Variants in ATP8A1 observed in about 807,000 individuals in gnomAD.
The protein encoded by ATP8A1 is phospholipid-transporting ATPase IA.
A neutral mutation model predicts 177.7 loss-of-function variants in ATP8A1; 90 were observed. The observed-to-expected ratio is 0.51, with a 90% CI of 0.43 to 0.60. The LOEUF is 0.60. Among genes scored for constraint, ATP8A1 ranks in the 20% least tolerant of loss-of-function variants. ATP8A1 has a pLI of 0.00. For synonymous variants in ATP8A1, 493 were observed against 485.9 expected, an observed-to-expected ratio of 1.01 and a Z score of -0.19; for missense variants, 1,072 against 1,392.8, an observed-to-expected ratio of 0.77 and a Z score of 3.67.
chr4:42,562,877 T>C (rs1050430714), intron 15 of ATP8A1, among the ~76,000 whole-genome samples: 2 of 152,214 alleles, frequency 1.3e-5, no homozygotes, highest in Admixed American at 6.5e-5. Context: ...ATCGTGAGGC[T>C]TACCCAGCCA....
chr4:42,538,039 A>G lies in ATP8A1; in HGVS notation c.1722+5878T>C, dbSNP rs538789205. 3.9e-5 allele frequency among the ~76,000 whole-genome samples: 6 copies of G among 152,338 alleles called. No individual in the cohort carries two copies. The East Asian group carries it at 1.2e-3, about 29-fold the overall frequency. On this transcript the variant is annotated intron_variant, in intron 20 of 36. Coordinates refer to ENST00000381668, the MANE Select transcript of ATP8A1 (RefSeq NM_006095.2). ...AATACTATATAAGGCCATAGTCACC[A>G]AAACGGCATGGTAGTGGTATAAAAA...
intron 24 of ATP8A1, among the ~76,000 whole-genome samples, chr4:42,493,784 T>C (rs920184968): frequency 6.6e-6 from 1 of 152,142 alleles, no homozygotes; most frequent in Non-Finnish European, 1.5e-5. Context: ...AGAGAGATTA[T>C]AGTGATAAGA....
chr4:42,469,409 G>C (rs1720151505), intron 25 of ATP8A1, among the ~76,000 whole-genome samples: 1 of 152,108 alleles, frequency 6.6e-6, no homozygotes, highest in Admixed American at 6.5e-5. Flanking sequence ...AAGGCTGTAG[G>C]GAAGGAATGT....
chr4:42,501,491 T>C (rs148094907), intron 24 of ATP8A1, among the ~76,000 whole-genome samples: 130 of 152,328 alleles, frequency 8.5e-4, no homozygotes, highest in African/African-American at 3.0e-3. Flanking sequence ...CTCATTAAAA[T>C]TGTCACTTGA....
At chr4:42,600,796 C>T (rs1338301190) in intron 5 of ATP8A1, among the ~76,000 whole-genome samples, 1 of 152,036 alleles carries the variant, frequency 6.6e-6, no homozygotes, top group African/African-American at 2.4e-5. Context: ...TGGGGCTCAG[C>T]TGGAGGAGAA....
At chr4:42,604,273 T>C (rs1735578517) in intron 5 of ATP8A1, among the ~76,000 whole-genome samples, 1 of 152,242 alleles carries the variant, frequency 6.6e-6, no homozygotes, top group Admixed American at 6.5e-5. Context: ...ACTTTTCCTT[T>C]AGAACACTTA....
chr4:42,444,463 G>T, intron 32 of ATP8A1, 115 bp downstream of exon 32: 1 of 986,404 alleles, frequency 1.0e-6, no homozygotes, highest in Non-Finnish European at 1.5e-6. Context: ...AAAACCTGTG[G>T]ACTAGGACAT....
At chr4:42,448,819 G>A (rs1717590902) in intron 30 of ATP8A1, among the ~76,000 whole-genome samples, 1 of 125,288 alleles carries the variant, frequency 8.0e-6, no homozygotes, top group African/African-American at 2.9e-5. Context: ...AGTCTACTTT[G>A]TACTTTGCGT....
At chr4:42,454,337 A>C (rs1399164843) in intron 29 of ATP8A1, among the ~76,000 whole-genome samples, 4 of 152,234 alleles carry the variant, frequency 2.6e-5, no homozygotes, top group African/African-American at 9.6e-5. Flanking sequence ...GAAAAGCTTT[A>C]TGAATTCCTA....
At chr4:42,435,383 G>C (rs754959789) in intron 33 of ATP8A1, among the ~76,000 whole-genome samples, 5 of 138,726 alleles carry the variant, frequency 3.6e-5, no homozygotes, top group African/African-American at 5.4e-5. Flanking sequence ...CTGAGATCAC[G>C]CCATTGTACT....
intron 14 of ATP8A1, 113 bp from the exon 15 acceptor site, chr4:42,569,318 C>G: frequency 1.5e-6 from 1 of 673,988 alleles, no homozygotes; most frequent in Non-Finnish European, 2.4e-6. Context: ...GAAAAGTTAA[C>G]AAAATGAACT....
chr4:42,524,702 G>GTATCAGAAGTA lies in ATP8A1; in HGVS notation c.1807+50_1807+60dup, dbSNP rs1448024051. 3 of 1,067,104 alleles carry GTATCAGAAGTA rather than the reference G, an allele frequency of 2.8e-6. No individual in the cohort carries two copies. The African/African-American group carries it at 4.7e-5, about 17-fold the overall frequency. The allele number at this position is 1,067,104 out of a possible 1,614,324, so 66.1% of individuals were successfully genotyped here. ...CTAATAATAATAAGGATCCTGCAAG[G>GTATCAGAAGTA]TATCAGAAGTATATGATTTCTTTGT... On this transcript the variant is annotated intron_variant, in intron 21 of 36. Coordinates refer to ENST00000381668, the MANE Select transcript of ATP8A1 (RefSeq NM_006095.2).
At chr4:42,432,784 A>G (rs1342242959) in intron 33 of ATP8A1, among the ~76,000 whole-genome samples, 1 of 152,198 alleles carries the variant, frequency 6.6e-6, no homozygotes, top group Non-Finnish European at 1.5e-5. Context: ...CCTCTGAGAA[A>G]GCCTACAGAC....
intron 20 of ATP8A1, among the ~76,000 whole-genome samples, chr4:42,539,525 G>A (rs1728180056): frequency 6.6e-6 from 1 of 151,704 alleles, no homozygotes; most frequent in African/African-American, 2.4e-5. Flanking sequence ...GACAAAGCTG[G>A]GGGCATCACA....
chr4:42,483,164 A>C (rs1432875306), intron 25 of ATP8A1, among the ~76,000 whole-genome samples: 1 of 152,174 alleles, frequency 6.6e-6, no homozygotes, highest in Non-Finnish European at 1.5e-5. Context: ...CAGTAAGCAA[A>C]ATGACAAGAA....
rs1372199311 is a variant in ATP8A1 at position 42,518,213 on chromosome 4, T to G, written c.1947+3947A>C. On this transcript the variant is annotated intron_variant, in intron 22 of 36. Coordinates refer to ENST00000381668, the MANE Select transcript of ATP8A1 (RefSeq NM_006095.2). ...ACCTTAATCCTATTATAACATTTCCTCTTATTTTGTACTAAATTATTATTT... is the reference window on the plus strand; with the variant it reads ...ACCTTAATCCTATTATAACATTTCCGCTTATTTTGTACTAAATTATTATTT... Among the ~76,000 whole-genome samples, 4 of 152,242 alleles carry G rather than the reference T, an allele frequency of 2.6e-5. No homozygotes were observed. The East Asian group carries it at 7.7e-4, about 29-fold the overall frequency.
At chr4:42,477,572 C>G (rs536527719) in intron 25 of ATP8A1, among the ~76,000 whole-genome samples, 1 of 152,114 alleles carries the variant, frequency 6.6e-6, no homozygotes, top group Non-Finnish European at 1.5e-5. Context: ...GATTGCAGTA[C>G]TTTTCATTGT....
chr4:42,501,799 A>G (rs902968781), intron 24 of ATP8A1, among the ~76,000 whole-genome samples: 4 of 152,206 alleles, frequency 2.6e-5, no homozygotes, highest in Non-Finnish European at 4.4e-5. Flanking sequence ...ACACTGCAGC[A>G]GGTCTGACCC....
chr4:42,598,422 T>C (rs1390283609), intron 6 of ATP8A1, among the ~76,000 whole-genome samples: 14 of 152,132 alleles, frequency 9.2e-5, no homozygotes, highest in Admixed American at 9.2e-4. Flanking sequence ...AACCACAGTG[T>C]TTTAATAACT....
Sources: allele counts gnomAD v4.1 joint callset (sites outside exome capture counted in the v4.1 genomes callset), GRCh38; gene constraint gnomAD v4.1.1; transcripts MANE v1.5; gene names NCBI Gene and HGNC (gene_info 2026-07-23, HGNC 2026-07-21).